GDF6: variants seen among roughly 807,000 people sequenced by gnomAD.
GDF6 encodes the protein growth differentiation factor 6.
Under a neutral mutation model 32.4 loss-of-function variants are expected in GDF6, and 3 were observed. The observed-to-expected ratio is 0.09, with a 90% confidence interval of 0.04 to 0.24. GDF6 has a LOEUF of 0.24. Among genes scored for constraint, GDF6 ranks in the 10% least tolerant of loss-of-function variants. GDF6 has a pLI of 1.00. For synonymous variants in GDF6, 296 were observed against 295.3 expected (o/e 1.00, Z -0.03); for missense variants, 589 against 637.9 (o/e 0.92, Z 0.83).
intron 1 of GDF6, among the ~76,000 whole-genome samples, chr8:96,158,264 T>C (rs888719662): frequency 6.6e-5 from 10 of 152,062 alleles, no homozygotes; most frequent in Non-Finnish European, 1.3e-4. Context: ...TGGGTGCACA[T>C]GCAATCCCTC....
At chr8:96,157,665 G>T (rs1468056129) in intron 1 of GDF6, among the ~76,000 whole-genome samples, 2 of 152,198 alleles carry the variant, frequency 1.3e-5, no homozygotes, top group African/African-American at 4.8e-5. Context: ...GGGGGTTGGC[G>T]CGGTTAAGAG....
At chr8:96,156,605 A>G (rs142549612) in intron 1 of GDF6, among the ~76,000 whole-genome samples, 12 of 152,172 alleles carry the variant, frequency 7.9e-5, no homozygotes, top group African/African-American at 2.9e-4. Context: ...GTCCATTCTC[A>G]TCCCATGATG....
intron 1 of GDF6, among the ~76,000 whole-genome samples, chr8:96,157,089 T>G (rs1261277606): frequency 6.6e-6 from 1 of 152,214 alleles, no homozygotes; most frequent in Non-Finnish European, 1.5e-5. Context: ...AGCGAGATAA[T>G]TCATGTAACC....
Position 96,145,283 on chromosome 8 carries a change from G to C in GDF6, c.648C>G (p.Asp216Glu). The C allele has an allele frequency of 6.5e-7, 1 of 1,528,794 alleles. No individual in the cohort carries two copies. Among genetic ancestry groups the C allele is most frequent in the Non-Finnish European group, 8.7e-7 (1 of 1,144,016 alleles). 94.7% of individuals were successfully genotyped at this position (1,528,794 alleles called of 1,614,324 possible). ...GCTGGTGGCGCAGGCCCTGCCACAC[G>C]TCGAAGACTTCCCAGCCGGCCGGCG... ...GAPPAGWEVF[D>E]VWQGLRHQPW... The change falls in exon 2 of 2, where the codon GAC (aspartate) becomes GAG (glutamate). Residue 216 changes from aspartate (D) to glutamate (E), a missense_variant. Physicochemically the swap from Asp to Glu is conservative, Grantham distance 45. This residue lies in a region of GDF6 where 436 missense variants were observed against 411.2 expected (regional missense o/e 1.06). Coordinates refer to ENST00000287020, the MANE Select transcript of GDF6 (RefSeq NM_001001557.4). The surrounding 1 kb of genome is among the most constrained non-coding windows in gnomAD (Gnocchi z 5.6).
intron 1 of GDF6, among the ~76,000 whole-genome samples, chr8:96,150,747 T>C (rs1812554939): frequency 1.3e-5 from 2 of 152,270 alleles, no homozygotes; most frequent in Non-Finnish European, 2.9e-5. Context: ...CCTGCAGCCA[T>C]GCTGCTCTAC....
chr8:96,143,140 C>G lies in GDF6; in HGVS notation c.*1423G>C, dbSNP rs1056201194. 9 of 152,292 alleles carry G rather than the reference C, an allele frequency of 5.9e-5. No homozygotes were observed. Among genetic ancestry groups the G allele is most frequent in the Non-Finnish European group, 1.0e-4 (7 of 68,062 alleles). The allele number at this position is 152,292 out of a possible 1,614,324, so 9.4% of individuals were successfully genotyped here. A position where few individuals can be genotyped will look rare whatever the true frequency, so the allele number is the denominator to read the frequency against. On this transcript the variant is annotated 3_prime_UTR_variant, in exon 2 of 2. Transcript: ENST00000287020. ...AGAAGACGAATTCCACCCCTGTCTC[C>G]TTCCTCACTGCCTGTTCCCCATCTC...
chr8:96,144,723 A>G lies in GDF6; in HGVS notation c.1208T>C (p.Ile403Thr). 6.2e-7 allele frequency: 1 copy of G among 1,614,136 alleles called. No individual in the cohort carries two copies. Among genetic ancestry groups the G allele is most frequent in the Non-Finnish European group, 8.5e-7 (1 of 1,180,016 alleles). The change falls in exon 2 of 2, where the codon ATC (isoleucine) becomes ACC (threonine). Residue 403 changes from isoleucine to threonine, a missense_variant. Around this residue, in one of 2 missense-constraint regions of GDF6, gnomAD observed 153 missense variants for 226.7 expected, o/e 0.67. Transcript: ENST00000287020. This position sits in a 1 kb window ranked among gnomAD's most constrained non-coding sequence, Gnocchi z 5.1. Reference protein sequence around the residue: ...SHLEPTNHAIIQTLMNSMDPG... With the variant: ...SHLEPTNHAITQTLMNSMDPG... ...GTCCATGGAGTTCATCAGCGTCTGG[A>G]TGATGGCGTGGTTGGTGGGCTCCAG...
chr8:96,144,287 AG>A lies in GDF6; in HGVS notation c.*275del, dbSNP rs780576792. ...GAGAGAGAGAGAGAGAGAGAGAGAGAGAGAAAACAGAACAAAAGAAATCCTC... is the reference window on the plus strand; with the variant it reads ...GAGAGAGAGAGAGAGAGAGAGAGAGAAGAAAACAGAACAAAAGAAATCCTC... On this transcript the variant is annotated 3_prime_UTR_variant, in exon 2 of 2. Transcript: ENST00000287020. This position sits in a 1 kb window ranked among gnomAD's most constrained non-coding sequence, Gnocchi z 5.1. The A allele has an allele frequency of 6.0e-5, 30 of 497,272 alleles. No individual in the cohort carries two copies. Among genetic ancestry groups the A allele is most frequent in the South Asian group, 1.7e-4 (8 of 47,858 alleles). 30.8% of individuals were successfully genotyped at this position (497,272 alleles called of 1,614,324 possible).
At position 96,145,463 on chromosome 8, in the gene GDF6, T is replaced by G; in HGVS notation, c.468A>C (p.Ser156=). 6.3e-7 allele frequency: 1 copy of G among 1,597,868 alleles called. No individual in the cohort carries two copies. ...CCGCGCCCACCAGCTCTTCTTTGTC[T>G]GAGAGCATGGACACATCAAACAAAT... is the stretch of plus-strand genomic sequence containing the variant. ...QKYLFDVSML[S]DKEELVGAEL... is the part of the protein sequence containing the mutation. Residue 156 remains serine, a synonymous_variant, in exon 2 of 2, where the codon TCA becomes TCC. Coordinates refer to ENST00000287020, the MANE Select transcript of GDF6 (RefSeq NM_001001557.4). The surrounding 1 kb of genome is among the most constrained non-coding windows in gnomAD (Gnocchi z 5.6).
chr8:96,157,536 C>A (rs555993105), intron 1 of GDF6, among the ~76,000 whole-genome samples: 2 of 152,134 alleles, frequency 1.3e-5, no homozygotes, highest in Admixed American at 6.5e-5. Flanking sequence ...CCCCACTCGA[C>A]GGCGATTTAA....
chr8:96,150,928 C>T (rs1812558359), intron 1 of GDF6, among the ~76,000 whole-genome samples: 1 of 152,242 alleles, frequency 6.6e-6, no homozygotes, highest in African/African-American at 2.4e-5. Context: ...CTAAGTCTCT[C>T]ACCTTCCGCG....
Position 96,145,037 on chromosome 8 carries a change from G to A in GDF6, c.894C>T (p.Gly298=). 2 of 1,463,228 alleles carry A rather than the reference G, an allele frequency of 1.4e-6. No individual in the cohort carries two copies. The highest frequency in any genetic ancestry group is 1.8e-6 in the Non-Finnish European group (2 of 1,112,382). The allele number at this position is 1,463,228 out of a possible 1,614,324, so 90.6% of individuals were successfully genotyped here. The change falls in exon 2 of 2, where the codon GGC becomes GGT. Residue 298 remains glycine, a synonymous_variant. Coordinates refer to ENST00000287020, the MANE Select transcript of GDF6 (RefSeq NM_001001557.4). This position sits in a 1 kb window ranked among gnomAD's most constrained non-coding sequence, Gnocchi z 5.6. Reference sequence around the variant, plus strand: ...CGCCCGGGCCCGCAGCCTCGGCCGAGCCCAGCTGCTCGCGCATCTCTGCGA... The same window carrying A: ...CGCCCGGGCCCGCAGCCTCGGCCGAACCCAGCTGCTCGCGCATCTCTGCGA... ...NLFAEMREQL[G]SAEAAGPGAG...
Position 96,160,205 on chromosome 8 carries a change from C to G in GDF6, c.406+82G>C, listed in dbSNP as rs1812736385. 2.9e-6 allele frequency: 4 copies of G among 1,390,780 alleles called. No individual in the cohort carries two copies. In the African/African-American group the frequency reaches 5.7e-5, roughly 20 times the overall value. 86.2% of individuals were successfully genotyped at this position (1,390,780 alleles called of 1,614,324 possible). A position where few individuals can be genotyped will look rare whatever the true frequency, so the allele number is the denominator to read the frequency against. On this transcript the variant is annotated intron_variant, in intron 1 of 1. Transcript: ENST00000287020. ...GTGTCCAGAGCAGGAAGGGAATTCA[C>G]AAATGTAGCCTCCAGCGGGAACAGC...
At chr8:96,147,424 G>C (rs1381513692) in intron 1 of GDF6, among the ~76,000 whole-genome samples, 1 of 152,220 alleles carries the variant, frequency 6.6e-6, no homozygotes, top group Non-Finnish European at 1.5e-5. Context: ...ATCTCTGGAC[G>C]TACTGCCTTA....
chr8:96,160,429 C>G lies in GDF6; in HGVS notation c.264G>C (p.Arg88Ser). The change falls in exon 1 of 2, where the codon AGG becomes AGC. Residue 88 changes from arginine to serine, a missense_variant. Arg to Ser is a moderately radical substitution (Grantham distance 110). Coordinates refer to ENST00000287020, the MANE Select transcript of GDF6 (RefSeq NM_001001557.4). ...QQPRAQEPPG[R>S]GPRVVPHEYM... ...ACTCGTGGGGCACCACGCGCGGACC[C>G]CTGCCTGGCGGCTCCTGCGCCCGGG... 1 of 1,614,048 alleles carries G rather than the reference C, an allele frequency of 6.2e-7. No individual in the cohort carries two copies. Among genetic ancestry groups the G allele is most frequent in the Non-Finnish European group, 8.5e-7 (1 of 1,179,936 alleles).
intron 1 of GDF6, among the ~76,000 whole-genome samples, chr8:96,150,489 G>GCTAGC (rs552078253): frequency 6.6e-6 from 1 of 152,250 alleles, no homozygotes; most frequent in Non-Finnish European, 1.5e-5. Context: ...CCACCTTTGT[G>GCTAGC]CTAGGCACGT....
Position 96,144,003 on chromosome 8 carries a change from T to G in GDF6, c.*560A>C, listed in dbSNP as rs1439151964. 1 of 162,636 alleles carries G rather than the reference T, an allele frequency of 6.1e-6. No individual in the cohort carries two copies. The highest frequency in any genetic ancestry group is 1.4e-5 in the Non-Finnish European group (1 of 73,434). 10.1% of individuals were successfully genotyped at this position (162,636 alleles called of 1,614,324 possible). ...TTGCCAATTTCCCTATCTAACACTT[T>G]CTGTGTGGGAGGGCACAAGACATGG... On this transcript the variant is annotated 3_prime_UTR_variant, in exon 2 of 2. Coordinates refer to ENST00000287020, the MANE Select transcript of GDF6 (RefSeq NM_001001557.4). This position sits in a 1 kb window ranked among gnomAD's most constrained non-coding sequence, Gnocchi z 5.1.
chr8:96,158,946 T>C (rs971412271), intron 1 of GDF6, among the ~76,000 whole-genome samples: 1 of 151,048 alleles, frequency 6.6e-6, no homozygotes, highest in Non-Finnish European at 1.5e-5. Context: ...GGAACGCGAC[T>C]ATGAGTGAGA....
chr8:96,154,912 T>C (rs963563276), intron 1 of GDF6, among the ~76,000 whole-genome samples: 5 of 152,032 alleles, frequency 3.3e-5, no homozygotes, highest in Admixed American at 6.5e-5. Flanking sequence ...GAAAAACATG[T>C]GGTGTTAGGG....
Sources: allele counts gnomAD v4.1 joint callset (sites outside exome capture counted in the v4.1 genomes callset), GRCh38; gene constraint gnomAD v4.1.1; regional missense constraint gnomAD v4.1.1; non-coding constraint Gnocchi (gnomAD v3.1); transcripts MANE v1.5; gene names NCBI Gene and HGNC (gene_info 2026-07-23, HGNC 2026-07-21).